The following ADAM12 variants were observed in gnomAD, a reference collection of about 807,000 sequenced individuals.
The protein encoded by ADAM12 is disintegrin and metalloproteinase domain-containing protein 12.
In ADAM12, 70 loss-of-function variants were observed where a neutral mutation model predicts 106.4. That is an observed-to-expected ratio of 0.66 (90% CI 0.54 to 0.80). The LOEUF is 0.80. Among genes scored for constraint, ADAM12 ranks in the 30% least tolerant of loss-of-function variants. The probability of loss-of-function intolerance (pLI) is 0.00; values close to 1 mark genes in which losing one functional copy is unlikely to be tolerated. For missense variants in ADAM12, 1,010 were observed against 1,171.9 expected (o/e 0.86, Z 2.02); for synonymous variants, 420 against 433.5 (o/e 0.97, Z 0.39).
At chr10:126,384,054 C>T (rs565662872) in intron 1 of ADAM12, among the ~76,000 whole-genome samples, 1 of 152,082 alleles carries the variant, frequency 6.6e-6, no homozygotes, top group African/African-American at 2.4e-5. Flanking sequence ...TGTATTACTG[C>T]CTGGAATGCA....
chr10:126,276,548 G>C (rs944542961), intron 3 of ADAM12, among the ~76,000 whole-genome samples: 3 of 152,054 alleles, frequency 2.0e-5, no homozygotes, highest in Non-Finnish European at 4.4e-5. Context: ...TTGTTATACT[G>C]AAGTATTTTT....
intron 21 of ADAM12, among the ~76,000 whole-genome samples, chr10:126,033,303 A>G (rs952554351): frequency 6.6e-6 from 1 of 152,222 alleles, no homozygotes; most frequent in African/African-American, 2.4e-5. Flanking sequence ...TAATGGATAC[A>G]TAAAAAGTAG....
In ADAM12 at chr10:126,091,805, T is replaced by C. The variant is rs191204582; in HGVS notation, c.1145+2180A>G. Among the ~76,000 whole-genome samples the C allele has an allele frequency of 1.9e-3, 293 of 152,316 alleles. 2 individuals carry two copies. Among genetic ancestry groups the C allele is most frequent in the Middle Eastern group, 0.014 (4 of 294 alleles). On this transcript the variant is annotated intron_variant, in intron 11 of 22. Coordinates refer to ENST00000448723, the MANE Select transcript of ADAM12 (RefSeq NM_001288973.2). ...TTGCTATTGTGCCTTCAGAATTATA[T>C]AATTTTTAGAGCTGTAGAGTCTTCA... is the stretch of plus-strand genomic sequence containing the variant.
At chr10:126,327,070 T>A (rs570201764) in intron 2 of ADAM12, among the ~76,000 whole-genome samples, 1 of 151,994 alleles carries the variant, frequency 6.6e-6, no homozygotes, top group Non-Finnish European at 1.5e-5. Flanking sequence ...GGTGGCCCCA[T>A]GCTATGGCAC....
chr10:126,193,543 G>T (rs1174475228), intron 3 of ADAM12, among the ~76,000 whole-genome samples: 1 of 152,132 alleles, frequency 6.6e-6, no homozygotes, highest in South Asian at 2.1e-4. Flanking sequence ...CCCAGAGAAG[G>T]GGTAGATTCT....
intron 3 of ADAM12, among the ~76,000 whole-genome samples, chr10:126,210,184 G>A (rs572957089): frequency 7.2e-5 from 11 of 152,262 alleles, no homozygotes; most frequent in East Asian, 1.9e-4. Flanking sequence ...TCATCTCTGC[G>A]TGGTGAACTC....
intron 3 of ADAM12, among the ~76,000 whole-genome samples, chr10:126,243,033 T>C (rs1437734420): frequency 6.6e-6 from 1 of 152,226 alleles, no homozygotes; most frequent in Admixed American, 6.5e-5. Context: ...GAACTAGCAA[T>C]GACTTCATCC....
chr10:126,032,492 G>A (rs143959675), intron 21 of ADAM12, among the ~76,000 whole-genome samples: 186 of 152,020 alleles, frequency 1.2e-3, no homozygotes, highest in African/African-American at 4.0e-3. Context: ...GGACTTTTTC[G>A]GGCCTGCTTT....
chr10:126,019,629 A>G, intron 22 of ADAM12, 66 bp downstream of exon 22: 1 of 1,572,454 alleles, frequency 6.4e-7, no homozygotes, highest in Admixed American at 1.7e-5. Flanking sequence ...CCTGGCTTGG[A>G]TTAGTCGTGG....
intron 2 of ADAM12, among the ~76,000 whole-genome samples, chr10:126,315,962 T>C (rs1853850611): frequency 6.6e-6 from 1 of 152,222 alleles, no homozygotes; most frequent in Non-Finnish European, 1.5e-5. Flanking sequence ...CAAGGAACAC[T>C]AAAACCAGCA....
chr10:126,251,840 G>A (rs1958773949), intron 3 of ADAM12, among the ~76,000 whole-genome samples: 1 of 147,776 alleles, frequency 6.8e-6, no homozygotes, highest in South Asian at 2.2e-4. Flanking sequence ...ATAGATGGAT[G>A]AATGGGTGGG....
chr10:126,349,970 CT>C (rs1855290975), intron 1 of ADAM12, among the ~76,000 whole-genome samples: 1 of 152,154 alleles, frequency 6.6e-6, no homozygotes, highest in Non-Finnish European at 1.5e-5. Context: ...AGATATTTGT[CT>C]TTAGAGCCAA....
At chr10:126,376,947 G>T (rs1005103174) in intron 1 of ADAM12, among the ~76,000 whole-genome samples, 1 of 152,192 alleles carries the variant, frequency 6.6e-6, no homozygotes, top group African/African-American at 2.4e-5. Flanking sequence ...AGGTAGATAT[G>T]ATCTTTATCA....
At chr10:126,088,546 C>G (rs949517000) in intron 11 of ADAM12, among the ~76,000 whole-genome samples, 9 of 66,720 alleles carry the variant, frequency 1.3e-4, no homozygotes, top group Non-Finnish European at 1.5e-4. Context: ...ATTAAATATA[C>G]CAAAAAAAAA....
At chr10:126,319,066 CA>C (rs1853998216) in intron 2 of ADAM12, among the ~76,000 whole-genome samples, 1 of 152,084 alleles carries the variant, frequency 6.6e-6, no homozygotes, top group Non-Finnish European at 1.5e-5. Context: ...AATTACAATT[CA>C]AAATAAGATT....
chr10:126,227,353 TCATCATCATCTTCACTATTGCCAC>T (rs1368570128), intron 3 of ADAM12, among the ~76,000 whole-genome samples: 1 of 152,136 alleles, frequency 6.6e-6, no homozygotes, highest in Admixed American at 6.5e-5. Flanking sequence ...ACCGCTGTTA[TCATCATCATCTTCACTATTGCCAC>T]CATCATCATT....
At chr10:126,091,131 G>C (rs1035113689) in intron 11 of ADAM12, 23 of 135,658 alleles carry the variant, frequency 1.7e-4, no homozygotes, top group Admixed American at 9.7e-4. Context: ...TTCCAGCAAT[G>C]ATGAGTAGGA....
intron 3 of ADAM12, among the ~76,000 whole-genome samples, chr10:126,220,038 C>T (rs1958060609): frequency 6.6e-6 from 1 of 152,186 alleles, no homozygotes; most frequent in Non-Finnish European, 1.5e-5. Context: ...AGTAGGACGT[C>T]TCTGAATCTC....
intron 3 of ADAM12, among the ~76,000 whole-genome samples, chr10:126,176,851 G>A (rs1314397779): frequency 6.6e-6 from 1 of 152,172 alleles, no homozygotes; most frequent in Non-Finnish European, 1.5e-5. Flanking sequence ...CCCTCTAAGG[G>A]TTTACTGCCG....
Sources: allele counts gnomAD v4.1 joint callset (sites outside exome capture counted in the v4.1 genomes callset), GRCh38; gene constraint gnomAD v4.1.1; transcripts MANE v1.5; gene names NCBI Gene and HGNC (gene_info 2026-07-23, HGNC 2026-07-21).